The following GALNT14 variants were observed in gnomAD, a reference collection of about 807,000 sequenced individuals.
GALNT14 encodes polypeptide N-acetylgalactosaminyltransferase 14.
Under a neutral mutation model 77.5 loss-of-function variants are expected in GALNT14, and 60 were observed. That is an observed-to-expected ratio of 0.77 (90% CI 0.63 to 0.96). The LOEUF is 0.96. Among genes scored for constraint, GALNT14 ranks in the 40% least tolerant of loss-of-function variants. GALNT14 has a pLI of 0.00. For synonymous variants in GALNT14, 280 were observed against 281.7 expected, an observed-to-expected ratio of 0.99 and a Z score of 0.06; for missense variants, 710 against 731.0, an observed-to-expected ratio of 0.97 and a Z score of 0.33.
At chr2:31,067,670 G>T (rs1373406745) in intron 1 of GALNT14, among the ~76,000 whole-genome samples, 1 of 152,166 alleles carries the variant, frequency 6.6e-6, no homozygotes, top group African/African-American at 2.4e-5. Flanking sequence ...GGACTTAAGA[G>T]TTGGAGCCAA....
At chr2:31,125,181 G>C in intron 1 of GALNT14, 1 of 1,550,480 alleles carries the variant, frequency 6.4e-7, no homozygotes, top group Non-Finnish European at 8.7e-7. Context: ...CTTTGGTAGG[G>C]AGGAGTGGGT....
At chr2:30,963,952 GGATAA>G (rs1327012473) in intron 3 of GALNT14, among the ~76,000 whole-genome samples, 2 of 152,198 alleles carry the variant, frequency 1.3e-5, no homozygotes, top group Non-Finnish European at 2.9e-5. Context: ...GTTAAGAGAT[GGATAA>G]GATAAGTCCT....
intron 1 of GALNT14, among the ~76,000 whole-genome samples, chr2:31,022,498 C>T (rs948713162): frequency 6.6e-6 from 1 of 152,152 alleles, no homozygotes; most frequent in East Asian, 1.9e-4. Context: ...TACCTTTCCC[C>T]AAGTCAGAAT....
At chr2:30,904,238 C>A in the GALNT14 span, among the ~76,000 whole-genome samples, 1 of 152,214 alleles carries the variant, frequency 6.6e-6, no homozygotes, top group Non-Finnish European at 1.5e-5. Context: ...CAGCTCCCGT[C>A]TACAGCTCCC....
Position 31,022,086 on chromosome 2 carries a change from C to T in GALNT14, c.130-29079G>A, listed in dbSNP as rs139590135. 6.7e-3 allele frequency among the ~76,000 whole-genome samples: 1,014 copies of T among 152,252 alleles called. 5 individuals carry two copies. Among genetic ancestry groups the T allele is most frequent in the African/African-American group, 0.018 (758 of 41,546 alleles). ...CTTCCCTGTGGTTCTGAAATACTGC[C>T]TCCTGGTCTTCTATTCTTTGTGGGC... On this transcript the variant is annotated intron_variant, in intron 1 of 14. Transcript: ENST00000349752.
chr2:31,027,886 C>CTGTGTGTGTGTG (rs10562223), intron 1 of GALNT14, among the ~76,000 whole-genome samples: 4,380 of 141,828 alleles, frequency 0.031, 108 homozygotes, highest in Non-Finnish European at 0.036. Context: ...CAGATGTATT[C>CTGTGTGTGTGTG]TGTGTGTGTG....
chr2:30,912,477 A>G, intron 13 of GALNT14, 135 bp from the exon 14 acceptor site: 1 of 995,048 alleles, frequency 1.0e-6, no homozygotes, highest in Non-Finnish European at 1.5e-6. Context: ...ATGATCATCA[A>G]GGTTACCTTG....
chr2:30,888,245 C>G, the GALNT14 span, among the ~76,000 whole-genome samples: 2,322 of 152,282 alleles, frequency 0.015, 49 homozygotes, highest in African/African-American at 0.041. Context: ...CCAGGCCACT[C>G]TAGCAGCATC....
At chr2:30,995,565 C>T (rs997301395) in intron 1 of GALNT14, among the ~76,000 whole-genome samples, 6 of 152,172 alleles carry the variant, frequency 3.9e-5, no homozygotes, top group Non-Finnish European at 7.3e-5. Flanking sequence ...TCAACCATAG[C>T]TTATTGCAGC....
At chr2:30,974,640 A>C (rs947669864) in intron 2 of GALNT14, among the ~76,000 whole-genome samples, 1 of 152,110 alleles carries the variant, frequency 6.6e-6, no homozygotes, top group Non-Finnish European at 1.5e-5. Flanking sequence ...TCCTCTTCTA[A>C]TCTTGGCTTG....
rs772350834 is a variant in GALNT14 at position 30,910,863 on chromosome 2, C to G, written c.*38G>C. 1 of 1,605,142 alleles carries G rather than the reference C, an allele frequency of 6.2e-7. No homozygotes were observed. Among genetic ancestry groups the G allele is most frequent in the African/African-American group, 1.3e-5 (1 of 74,644 alleles). On this transcript the variant is annotated 3_prime_UTR_variant, in exon 15 of 15. Coordinates refer to ENST00000349752, the MANE Select transcript of GALNT14 (RefSeq NM_024572.4). ...TCCAGTCTGTTCTGGTCCAGGGAAG[C>G]ACCACCCCATGGCCCTTGCTGCTTC...
rs528719849 is a variant in GALNT14 at position 31,128,317 on chromosome 2, G to T, written c.129+9641C>A. Among the ~76,000 whole-genome samples the T allele has an allele frequency of 1.7e-4, 26 of 151,964 alleles. 1 individual carries two copies. Among genetic ancestry groups the T allele is most frequent in the Non-Finnish European group, 3.5e-4 (24 of 67,988 alleles). ...ATGGCAGGGTGCCCCCACATTAGAG[G>T]CATGGCCAGGACACCCCGGCATTAG... On this transcript the variant is annotated intron_variant, in intron 1 of 14. Transcript: ENST00000349752.
intron 13 of GALNT14, among the ~76,000 whole-genome samples, chr2:30,923,158 G>T (rs966143067): frequency 6.6e-6 from 1 of 150,798 alleles, no homozygotes; most frequent in African/African-American, 2.5e-5. Flanking sequence ...CGCCTCCAGG[G>T]TTCAAGCGAT....
Position 30,936,045 on chromosome 2 carries a change from G to A in GALNT14, c.932-3851C>T, listed in dbSNP as rs116635767. Among the ~76,000 whole-genome samples, 989 of 152,222 alleles carry A rather than the reference G, an allele frequency of 6.5e-3. 9 individuals carry two copies. Among genetic ancestry groups the A allele is most frequent in the African/African-American group, 0.023 (948 of 41,518 alleles). On this transcript the variant is annotated intron_variant, in intron 9 of 14. Coordinates refer to ENST00000349752, the MANE Select transcript of GALNT14 (RefSeq NM_024572.4). ...TCCCTGGTGATGAATGCCACTTCAC[G>A]GAGACCCAAATCCACTTTGAATTCC... is the stretch of plus-strand genomic sequence containing the variant.
intron 1 of GALNT14, among the ~76,000 whole-genome samples, chr2:31,075,477 C>A (rs1285363442): frequency 1.3e-5 from 2 of 152,188 alleles, no homozygotes; most frequent in South Asian, 2.1e-4. Flanking sequence ...ACAATCTCTG[C>A]GTCCTGGAGA....
At chr2:31,125,150 C>T (rs1329108575) in intron 1 of GALNT14, 27 of 1,547,166 alleles carry the variant, frequency 1.7e-5, no homozygotes, top group Non-Finnish European at 2.4e-5. Context: ...CACAGTCAAC[C>T]TACCTGTAGG....
chr2:31,088,290 A>C (rs1288137779), intron 1 of GALNT14, among the ~76,000 whole-genome samples: 1 of 152,222 alleles, frequency 6.6e-6, no homozygotes, highest in African/African-American at 2.4e-5. Context: ...AATGGGACAC[A>C]AGATGGAAGA....
At chr2:30,942,062 C>G in intron 9 of GALNT14, 139 bp downstream of exon 9, 1 of 578,614 alleles carries the variant, frequency 1.7e-6, no homozygotes, top group Non-Finnish European at 3.1e-6. Flanking sequence ...AAGAGTAACT[C>G]ACCATCTCCC....
chr2:30,904,242 A>C, the GALNT14 span, among the ~76,000 whole-genome samples: 2 of 152,228 alleles, frequency 1.3e-5, no homozygotes, highest in African/African-American at 4.8e-5. Context: ...TCCCGTCTAC[A>C]GCTCCCAGCG....
Sources: gnomAD v4.1 joint callset for allele counts (sites outside exome capture counted in the v4.1 genomes callset) on GRCh38, gnomAD v4.1.1 for gene constraint, MANE v1.5 for transcripts, NCBI Gene and HGNC (gene_info 2026-07-23, HGNC 2026-07-21) for gene names.